Variants in PCDHA2 observed in about 807,000 individuals in gnomAD.
PCDHA2 encodes the protein protocadherin alpha-2.
In PCDHA2, 58 loss-of-function variants were observed where a neutral mutation model predicts 66.0. The ratio of observed to expected loss-of-function variants is 0.88; its 90% CI spans 0.71 to 1.09. The LOEUF is 1.09. Among genes scored for constraint, PCDHA2 ranks in the 50% least tolerant of loss-of-function variants. The probability of loss-of-function intolerance (pLI) is 0.00; values close to 1 mark genes in which losing one functional copy is unlikely to be tolerated. For synonymous variants in PCDHA2, 634 were observed against 554.0 expected, an observed-to-expected ratio of 1.14 and a Z score of -2.03; for missense variants, 1,267 against 1,242.3, an observed-to-expected ratio of 1.02 and a Z score of -0.30.
In PCDHA2 at chr5:141,010,200, C is replaced by T. The variant is rs1356287133; in HGVS notation, c.*263C>T. On this transcript the variant is annotated 3_prime_UTR_variant, in exon 4 of 4. Coordinates refer to ENST00000526136, the MANE Select transcript of PCDHA2 (RefSeq NM_018905.3). ...AGCAGACCCAAGTTTCCTTTCTCCTCCGCCGCAAAGGAGAGGCTTCCCAGC... is the reference window on the plus strand; with the variant it reads ...AGCAGACCCAAGTTTCCTTTCTCCTTCGCCGCAAAGGAGAGGCTTCCCAGC... The T allele has an allele frequency of 1.3e-6, 2 of 1,551,984 alleles. No individual in the cohort carries two copies. Among genetic ancestry groups the T allele is most frequent in the African/African-American group, 2.7e-5 (2 of 73,038 alleles).
At position 140,796,063 on chromosome 5, in the gene PCDHA2, A is replaced by G. The variant is rs782315024; in HGVS notation, c.1099A>G (p.Thr367Ala). Residue 367 changes from threonine (T) to alanine (A), a missense_variant, in exon 1 of 4, where the codon ACT (threonine) becomes GCT (alanine). Physicochemically the swap from Thr to Ala is moderately conservative, Grantham distance 58. Transcript: ENST00000526136. ...LPISENASLG[T>A]VIALITVSDR... Reference sequence around the variant, plus strand: ...CATCTCAGAGAACGCTTCCCTGGGCACTGTCATTGCTCTCATCACGGTGTC... The same window carrying G: ...CATCTCAGAGAACGCTTCCCTGGGCGCTGTCATTGCTCTCATCACGGTGTC... The G allele has an allele frequency of 6.2e-7, 1 of 1,614,212 alleles. No homozygotes were observed. The highest frequency in any genetic ancestry group is 2.2e-5 in the East Asian group (1 of 44,890).
At chr5:140,841,954 C>A (rs1282125752) in intron 1 of PCDHA2, 1 of 1,613,776 alleles carries the variant, frequency 6.2e-7, no homozygotes, top group Non-Finnish European at 8.5e-7. Context: ...ACCACTTATT[C>A]CTGACAGCCA....
chr5:141,000,421 A>ATAT (rs1265241806), intron 3 of PCDHA2, among the ~76,000 whole-genome samples: 11 of 27,980 alleles, frequency 3.9e-4, no homozygotes, highest in South Asian at 1.9e-3. Flanking sequence ...ATATATATAT[A>ATAT]TTTTTTTTTT....
At chr5:140,809,365 G>A in intron 1 of PCDHA2, 1 of 1,614,026 alleles carries the variant, frequency 6.2e-7, no homozygotes, top group Middle Eastern at 1.7e-4. Context: ...GCTCTGCGCT[G>A]CCCACCGAGG....
intron 1 of PCDHA2, among the ~76,000 whole-genome samples, chr5:140,799,257 G>A (rs987892756): frequency 6.6e-6 from 1 of 151,990 alleles, no homozygotes; most frequent in African/African-American, 2.4e-5. Context: ...TCAGTATGGA[G>A]TCTACTCTGC....
rs2150233090 is a variant in PCDHA2 at position 140,847,186 on chromosome 5, T to C, written c.2388+49834T>C. On this transcript the variant is annotated intron_variant, in intron 1 of 3. Transcript: ENST00000526136. ...TAATAAACTAAAGGGCCATGAGTGA[T>C]TAAGGAATTTGGCCACTCTTTAGAA... Among the ~76,000 whole-genome samples, 2 of 149,618 alleles carry C rather than the reference T, an allele frequency of 1.3e-5. 1 individual carries two copies. Among genetic ancestry groups the C allele is most frequent in the African/African-American group, 4.9e-5 (2 of 40,934 alleles).
intron 1 of PCDHA2, chr5:140,865,372 A>G (rs2048845131): frequency 6.6e-6 from 1 of 152,208 alleles, no homozygotes; most frequent in Non-Finnish European, 1.5e-5. Flanking sequence ...TAACCATGTT[A>G]TAGGTAGGGT....
intron 1 of PCDHA2, chr5:140,870,382 C>G (rs782627889): frequency 7.4e-6 from 12 of 1,614,062 alleles, no homozygotes; most frequent in Non-Finnish European, 1.0e-5. Context: ...GGTGACTGCG[C>G]GGGATGGGGG....
chr5:140,893,432 C>T (rs1280374649), intron 1 of PCDHA2, among the ~76,000 whole-genome samples: 5 of 151,946 alleles, frequency 3.3e-5, no homozygotes, highest in Non-Finnish European at 7.4e-5. Flanking sequence ...GCAGGAAGAT[C>T]GCTTGAAGCC....
chr5:140,909,066 T>G (rs1554193625), intron 1 of PCDHA2, among the ~76,000 whole-genome samples: 1 of 152,200 alleles, frequency 6.6e-6, no homozygotes, highest in African/African-American at 2.4e-5. Flanking sequence ...GTCTCACCAA[T>G]AAGCCCAGTG....
chr5:140,850,279 G>A lies in PCDHA2; in HGVS notation c.2388+52927G>A, dbSNP rs140634296. On this transcript the variant is annotated intron_variant, in intron 1 of 3. Coordinates refer to ENST00000526136, the MANE Select transcript of PCDHA2 (RefSeq NM_018905.3). ...GCCGGCGTAGTGGTGGGGAAGGTGC[G>A]CGCAGTGGACGCCGACTCGGGCTAC... The A allele has an allele frequency of 3.4e-5, 54 of 1,595,452 alleles. 4 individuals carry two copies. The highest frequency in any genetic ancestry group is 4.5e-5 in the Non-Finnish European group (53 of 1,167,590).
chr5:140,890,635 C>G (rs1015207309), intron 1 of PCDHA2, among the ~76,000 whole-genome samples: 1 of 152,114 alleles, frequency 6.6e-6, no homozygotes, highest in Non-Finnish European at 1.5e-5. Flanking sequence ...AAGCATGTAT[C>G]CTTGATATAT....
chr5:140,883,162 C>T, intron 1 of PCDHA2: 2 of 1,613,808 alleles, frequency 1.2e-6, no homozygotes, highest in Non-Finnish European at 1.7e-6. Flanking sequence ...TAAATCCGAA[C>T]AATGGAGAAA....
In PCDHA2 at chr5:140,851,034, C is replaced by T. The variant is rs2041932722; in HGVS notation, c.2388+53682C>T. On this transcript the variant is annotated intron_variant, in intron 1 of 3. Coordinates refer to ENST00000526136, the MANE Select transcript of PCDHA2 (RefSeq NM_018905.3). ...TTTTCTGATAAAGTAAACCCCTTAA[C>T]ATTGGAGCCGACTTTGTCTTGACTT... The T allele has an allele frequency of 3.1e-5, 44 of 1,402,710 alleles. 5 individuals are homozygous for T. Among genetic ancestry groups the T allele is most frequent in the Non-Finnish European group, 4.0e-5 (43 of 1,068,930 alleles). 86.9% of individuals were successfully genotyped at this position (1,402,710 alleles called of 1,614,324 possible).
intron 1 of PCDHA2, chr5:140,882,587 G>A (rs559310344): frequency 6.2e-7 from 1 of 1,614,256 alleles, no homozygotes; most frequent in East Asian, 2.2e-5. Flanking sequence ...CATCCACCTG[G>A]AGGTGATCGT....
Position 140,797,057 on chromosome 5 carries a change from T to G in PCDHA2, c.2093T>G (p.Val698Gly), listed in dbSNP as rs782078913. 4 of 1,613,766 alleles carry G rather than the reference T, an allele frequency of 2.5e-6. No individual in the cohort carries two copies. Among genetic ancestry groups the G allele is most frequent in the Non-Finnish European group, 3.4e-6 (4 of 1,179,974 alleles). The stretch of plus-strand genomic sequence containing the variant: ...GAGGCTACGCTGGTGGATGTCAACG[T>G]GTACCTGATCATCGCCATCTGCGCG... ...GSEATLVDVNVYLIIAICAVS... is the reference protein window; with the variant it reads ...GSEATLVDVNGYLIIAICAVS... Residue 698 changes from valine to glycine, a missense_variant, in exon 1 of 4, where the codon GTG becomes GGG. Coordinates refer to ENST00000526136, the MANE Select transcript of PCDHA2 (RefSeq NM_018905.3).
At chr5:140,912,312 T>C (rs2075860793) in intron 1 of PCDHA2, among the ~76,000 whole-genome samples, 1 of 151,960 alleles carries the variant, frequency 6.6e-6, no homozygotes, top group African/African-American at 2.4e-5. Flanking sequence ...TCCAGTCAAG[T>C]TGACCCTCAG....
intron 3 of PCDHA2, among the ~76,000 whole-genome samples, chr5:140,993,075 G>A (rs531612224): frequency 1.3e-3 from 191 of 152,324 alleles, no homozygotes; most frequent in African/African-American, 4.5e-3. Flanking sequence ...CCTGCAGTCT[G>A]CAATCAGCAG....
chr5:140,853,436 T>C (rs1442377806), intron 1 of PCDHA2: 3 of 984,616 alleles, frequency 3.0e-6, no homozygotes, highest in African/African-American at 3.5e-5. Flanking sequence ...CACTTTCCTA[T>C]TTTGCCTAAT....
Sources: gnomAD v4.1 joint callset for allele counts (sites outside exome capture counted in the v4.1 genomes callset) on GRCh38, gnomAD v4.1.1 for gene constraint, MANE v1.5 for transcripts, NCBI Gene and HGNC (gene_info 2026-07-23, HGNC 2026-07-21) for gene names.